FBXL17: variants seen among roughly 807,000 people sequenced by gnomAD.
The protein encoded by FBXL17 is F-box/LRR-repeat protein 17.
Under a neutral mutation model 66.2 loss-of-function variants are expected in FBXL17, and 22 were observed. That is an observed-to-expected ratio of 0.33 (90% confidence interval 0.24 to 0.47). The LOEUF (loss-of-function observed/expected upper bound fraction) is 0.47. Among genes scored for constraint, FBXL17 ranks in the 20% least tolerant of loss-of-function variants. The probability of loss-of-function intolerance (pLI) is 1.00; values close to 1 mark genes in which losing one functional copy is unlikely to be tolerated. For missense variants in FBXL17, 878 were observed against 948.2 expected, an observed-to-expected ratio of 0.93 and a Z score of 0.97; for synonymous variants, 474 against 400.5, an observed-to-expected ratio of 1.18 and a Z score of -2.19.
At chr5:107,951,194 A>G (rs1751488522) in intron 7 of FBXL17, among the ~76,000 whole-genome samples, 1 of 152,182 alleles carries the variant, frequency 6.6e-6, no homozygotes, top group Non-Finnish European at 1.5e-5. Context: ...GAGAGTTCTG[A>G]TGCACATGGC....
At chr5:108,123,317 G>T (rs1750576222) in intron 6 of FBXL17, among the ~76,000 whole-genome samples, 1 of 151,658 alleles carries the variant, frequency 6.6e-6, no homozygotes. Flanking sequence ...CCTTTTCTTT[G>T]CCCCCAACAC....
intron 6 of FBXL17, among the ~76,000 whole-genome samples, chr5:108,185,630 A>G (rs1033591113): frequency 3.9e-5 from 6 of 152,128 alleles, no homozygotes; most frequent in Non-Finnish European, 2.9e-5. Context: ...AGGCTGAGGC[A>G]GAAGTATTGC....
At chr5:108,085,372 T>C (rs1383276710) in intron 6 of FBXL17, among the ~76,000 whole-genome samples, 1 of 152,198 alleles carries the variant, frequency 6.6e-6, no homozygotes, top group Non-Finnish European at 1.5e-5. Context: ...ACATTGTTTG[T>C]TGGTGGCCTC....
intron 7 of FBXL17, among the ~76,000 whole-genome samples, chr5:107,948,035 G>A (rs1053199616): frequency 6.6e-6 from 1 of 151,890 alleles, no homozygotes; most frequent in Non-Finnish European, 1.5e-5. Flanking sequence ...CTTGCTGCCC[G>A]CCAACTTTCC....
intron 6 of FBXL17, among the ~76,000 whole-genome samples, chr5:108,071,271 G>GTAGT (rs1748320393): frequency 3.9e-5 from 6 of 152,150 alleles, no homozygotes; most frequent in Non-Finnish European, 8.8e-5. Flanking sequence ...AGATTTTCAT[G>GTAGT]ACCCTACTAC....
At chr5:108,318,797 A>G (rs1759487845) in intron 4 of FBXL17, among the ~76,000 whole-genome samples, 2 of 151,974 alleles carry the variant, frequency 1.3e-5, no homozygotes, top group African/African-American at 2.4e-5. Flanking sequence ...ATTAAAAATT[A>G]TAAGTCAAAC....
At chr5:108,300,624 T>C (rs60251636) in intron 4 of FBXL17, among the ~76,000 whole-genome samples, 2,480 of 151,950 alleles carry the variant, frequency 0.016, 66 homozygotes, top group African/African-American at 0.054. Context: ...ATTTCACTAT[T>C]GTAGCAATTT....
intron 6 of FBXL17, among the ~76,000 whole-genome samples, chr5:108,156,221 C>A (rs1751991611): frequency 6.6e-6 from 1 of 151,936 alleles, no homozygotes. Flanking sequence ...GATAAGAGAT[C>A]ACGTTATTTA....
chr5:107,939,254 C>T (rs1453639914), intron 7 of FBXL17, among the ~76,000 whole-genome samples: 3 of 152,056 alleles, frequency 2.0e-5, no homozygotes, highest in African/African-American at 7.2e-5. Flanking sequence ...ATAATGTTTA[C>T]AGCTCCATTA....
chr5:108,084,740 A>C lies in FBXL17; in HGVS notation c.1746-63739T>G, dbSNP rs1197731158. Among the ~76,000 whole-genome samples, 3 of 152,320 alleles carry C rather than the reference A, an allele frequency of 2.0e-5. No homozygotes were observed. The East Asian group carries it at 5.8e-4, about 29-fold the overall frequency. ...TATAATTAATAAGTGTCAGCCTGCA[A>C]TCTCAACCACTTAGTAAAGGCAGAG... On this transcript the variant is annotated intron_variant, in intron 6 of 8. Transcript: ENST00000542267.
intron 6 of FBXL17, among the ~76,000 whole-genome samples, chr5:108,112,516 A>T (rs1750077730): frequency 6.6e-6 from 1 of 152,220 alleles, no homozygotes; most frequent in East Asian, 1.9e-4. Flanking sequence ...ATTTTTTAAA[A>T]ATCAATACCA....
At position 108,140,779 on chromosome 5, in the gene FBXL17, C is replaced by T. The variant is rs1751319742; in HGVS notation, c.1745+45338G>A. Among the ~76,000 whole-genome samples the T allele has an allele frequency of 3.3e-5, 5 of 152,106 alleles. No individual in the cohort carries two copies. The South Asian group carries it at 1.0e-3, about 32-fold the overall frequency. Reference sequence around the variant, plus strand: ...TATCCCCCAAAATTCGAGATGATTGCTTATTCATTGAATGGTACCACCCAA... The same window carrying T: ...TATCCCCCAAAATTCGAGATGATTGTTTATTCATTGAATGGTACCACCCAA... On this transcript the variant is annotated intron_variant, in intron 6 of 8. Transcript: ENST00000542267.
chr5:108,121,314 A>C (rs554202014), intron 6 of FBXL17, among the ~76,000 whole-genome samples: 1 of 152,122 alleles, frequency 6.6e-6, no homozygotes, highest in Non-Finnish European at 1.5e-5. Context: ...GCAACAGAGC[A>C]AGACTCCATC....
At position 108,352,128 on chromosome 5, in the gene FBXL17, C is replaced by A. The variant is rs78680995; in HGVS notation, c.1375-3598G>T. ...GGGGAACAGTGCCTCACAGGAGAAG[C>A]TATTATGATTTACTACTACTGAGTA... is the stretch of plus-strand genomic sequence containing the variant. On this transcript the variant is annotated intron_variant, in intron 3 of 8. Transcript: ENST00000542267. 2.8e-3 allele frequency among the ~76,000 whole-genome samples: 419 copies of A among 152,324 alleles called. 4 individuals are homozygous for A. Among genetic ancestry groups the A allele is most frequent in the African/African-American group, 9.5e-3 (397 of 41,580 alleles).
intron 4 of FBXL17, among the ~76,000 whole-genome samples, chr5:108,345,398 T>A (rs1250377496): frequency 6.6e-6 from 1 of 151,570 alleles, no homozygotes; most frequent in Non-Finnish European, 1.5e-5. Flanking sequence ...TGCTTCACCA[T>A]AACTCATTTA....
rs755015367 is a variant in FBXL17, at chr5:108,364,729, A to G, written c.1374+9T>C. 2 of 1,585,700 alleles carry G rather than the reference A, an allele frequency of 1.3e-6. No individual in the cohort carries two copies. Among genetic ancestry groups the G allele is most frequent in the Admixed American group, 3.6e-5 (2 of 55,498 alleles). Reference sequence around the variant, plus strand: ...CAAGTAAAATCACTTTATAAATGCTAAAATTTACCTGCTTGAGTCCTTCAT... The same window carrying G: ...CAAGTAAAATCACTTTATAAATGCTGAAATTTACCTGCTTGAGTCCTTCAT... On this transcript the variant is annotated intron_variant, in intron 3 of 8. Transcript: ENST00000542267.
chr5:108,336,172 T>TA (rs1051447483), intron 4 of FBXL17, among the ~76,000 whole-genome samples: 2 of 152,118 alleles, frequency 1.3e-5, no homozygotes, highest in African/African-American at 4.8e-5. Context: ...AACTAAAAAC[T>TA]AAAAATTTTA....
intron 5 of FBXL17, among the ~76,000 whole-genome samples, chr5:108,202,071 A>G (rs1753920791): frequency 6.6e-6 from 1 of 152,286 alleles, no homozygotes; most frequent in Admixed American, 6.5e-5. Context: ...ATATAAAGCC[A>G]TGATCCAAGA....
rs566110137 is a variant in FBXL17, at chr5:108,345,342, G to GA, written c.1506+3056dup. The stretch of plus-strand genomic sequence containing the variant: ...ACAGAGCAAAACTCCATCTCAAAAA[G>GA]AAAAAAAAAAGAAAAAAAAATTGTA... On this transcript the variant is annotated intron_variant, in intron 4 of 8. Transcript: ENST00000542267. Among the ~76,000 whole-genome samples the GA allele has an allele frequency of 1.6e-3, 226 of 138,302 alleles. 4 individuals are homozygous for GA. The highest frequency in any genetic ancestry group is 4.3e-3 in the African/African-American group (162 of 37,598). The allele number at this position is 138,302 out of a possible 152,430, so 90.7% of individuals were successfully genotyped here. A position where few individuals can be genotyped will look rare whatever the true frequency, so the allele number is the denominator to read the frequency against.
Sources: gnomAD v4.1 joint callset for allele counts (sites outside exome capture counted in the v4.1 genomes callset) on GRCh38, gnomAD v4.1.1 for gene constraint, MANE v1.5 for transcripts, NCBI Gene and HGNC (gene_info 2026-07-23, HGNC 2026-07-21) for gene names.